The following PCDHGA3 variants were observed in gnomAD, a reference collection of about 807,000 sequenced individuals.
PCDHGA3 encodes protocadherin gamma-A3.
Under a neutral mutation model 58.5 loss-of-function variants are expected in PCDHGA3, and 40 were observed. The ratio of observed to expected loss-of-function variants is 0.68; its 90% confidence interval spans 0.53 to 0.89. The LOEUF (loss-of-function observed/expected upper bound fraction) is 0.89. Among genes scored for constraint, PCDHGA3 ranks in the 40% least tolerant of loss-of-function variants. The probability of loss-of-function intolerance (pLI) is 0.00; values close to 1 mark genes in which losing one functional copy is unlikely to be tolerated. For synonymous variants in PCDHGA3, 530 were observed against 525.7 expected, an observed-to-expected ratio of 1.01 and a Z score of -0.11; for missense variants, 1,223 against 1,195.9, an observed-to-expected ratio of 1.02 and a Z score of -0.33.
At position 141,360,554 on chromosome 5, in the gene PCDHGA3, T is replaced by C. The variant is rs779397375; in HGVS notation, c.2424+14097T>C. ...CTATTCAAACAGACTAAGATTAATT[T>C]AAAAATTGGCGAATCCACTAAGCCA... is the stretch of plus-strand genomic sequence containing the variant. On this transcript the variant is annotated intron_variant, in intron 1 of 3. Transcript: ENST00000253812. 1.9e-6 allele frequency: 3 copies of C among 1,613,978 alleles called. No individual in the cohort carries two copies. The East Asian group carries it at 6.7e-5, about 36-fold the overall frequency.
Position 141,431,141 on chromosome 5 carries a change from G to T in PCDHGA3, c.2425-63666G>T. 1.2e-6 allele frequency: 2 copies of T among 1,614,212 alleles called. No homozygotes were observed. Among genetic ancestry groups the T allele is most frequent in the South Asian group, 1.1e-5 (1 of 91,084 alleles). On this transcript the variant is annotated intron_variant, in intron 1 of 3. Coordinates refer to ENST00000253812, the MANE Select transcript of PCDHGA3 (RefSeq NM_018916.4). This position sits in a 1 kb window ranked among gnomAD's most constrained non-coding sequence, Gnocchi z 4.8. ...AGAAGTAGAAGTAAGGGACATTAACGACAATGCGCCTTACTTTCGTGAAAG... is the reference window on the plus strand; with the variant it reads ...AGAAGTAGAAGTAAGGGACATTAACTACAATGCGCCTTACTTTCGTGAAAG...
At chr5:141,421,184 C>T (rs2096551183) in intron 1 of PCDHGA3, 4 of 1,457,822 alleles carry the variant, frequency 2.7e-6, no homozygotes, top group Non-Finnish European at 3.7e-6. Context: ...CGATTCACAA[C>T]CAACCAGCTC....
intron 1 of PCDHGA3, chr5:141,356,513 T>G: frequency 1.2e-6 from 2 of 1,614,030 alleles, no homozygotes; most frequent in South Asian, 2.2e-5. Flanking sequence ...GAAACTCATA[T>G]TTCACTGCAA....
rs754299511 is a variant in PCDHGA3 at position 141,476,353 on chromosome 5, G to A, written c.2425-18454G>A. 4 of 1,614,202 alleles carry A rather than the reference G, an allele frequency of 2.5e-6. No individual in the cohort carries two copies. Among genetic ancestry groups the A allele is most frequent in the South Asian group, 1.1e-5 (1 of 91,082 alleles). On this transcript the variant is annotated intron_variant, in intron 1 of 3. Coordinates refer to ENST00000253812, the MANE Select transcript of PCDHGA3 (RefSeq NM_018916.4). The surrounding 1 kb of genome is among the most constrained non-coding windows in gnomAD (Gnocchi z 7.6). The stretch of plus-strand genomic sequence containing the variant: ...GAGCTAGCCGAAGATTCTTTGAGGT[G>A]AACCGGGAGACCGGAGAGATGTTTG...
chr5:141,395,558 G>A (rs60237573), intron 1 of PCDHGA3: 1 of 127,936 alleles, frequency 7.8e-6, no homozygotes, highest in South Asian at 2.0e-4. Flanking sequence ...GTGTGTGTGT[G>A]TGTGTGTGTG....
intron 1 of PCDHGA3, chr5:141,403,040 C>T: frequency 1.2e-6 from 2 of 1,614,068 alleles, no homozygotes; most frequent in Non-Finnish European, 1.7e-6. Context: ...CAGGGCCAGT[C>T]AGATTCGCTA....
chr5:141,384,705 C>T lies in PCDHGA3; in HGVS notation c.2424+38248C>T, dbSNP rs761874903. ...TGGACAAAGATTCAGGCCAGAACGC[C>T]TGGCTGTCATACCTCCTGCTTAAGG... On this transcript the variant is annotated intron_variant, in intron 1 of 3. Coordinates refer to ENST00000253812, the MANE Select transcript of PCDHGA3 (RefSeq NM_018916.4). 19 of 1,614,140 alleles carry T rather than the reference C, an allele frequency of 1.2e-5. No individual in the cohort carries two copies. The South Asian group carries it at 1.8e-4, about 15-fold the overall frequency.
chr5:141,469,603 GTAAAA>G (rs929191572), intron 1 of PCDHGA3, among the ~76,000 whole-genome samples: 9 of 152,038 alleles, frequency 5.9e-5, no homozygotes, highest in Admixed American at 1.3e-4. Context: ...AACAAAATAA[GTAAAA>G]TAAAATAAAT....
At chr5:141,463,803 A>G (rs975202568) in intron 1 of PCDHGA3, among the ~76,000 whole-genome samples, 1 of 152,150 alleles carries the variant, frequency 6.6e-6, no homozygotes, top group Non-Finnish European at 1.5e-5. Flanking sequence ...AATGTCTAAA[A>G]GCTTTTATCA....
chr5:141,375,522 A>C, intron 1 of PCDHGA3: 1 of 1,614,010 alleles, frequency 6.2e-7, no homozygotes, highest in Non-Finnish European at 8.5e-7. Flanking sequence ...CTGGACCCTG[A>C]CGTGGACCAG....
rs757825548 is a variant in PCDHGA3, at chr5:141,361,696, G to C, written c.2424+15239G>C. 9.3e-6 allele frequency: 15 copies of C among 1,613,466 alleles called. No individual in the cohort carries two copies. In the Admixed American group the frequency reaches 1.0e-4, roughly 11 times the overall value. ...GGTGGTGTTCGCGCAGCGCGCCTTC[G>C]ATCATGAGCAGCTGCGCGCCTTCGA... On this transcript the variant is annotated intron_variant, in intron 1 of 3. Transcript: ENST00000253812.
At chr5:141,422,926 GC>G in intron 1 of PCDHGA3, 1 of 1,614,230 alleles carries the variant, frequency 6.2e-7, no homozygotes, top group Non-Finnish European at 8.5e-7. Flanking sequence ...CCTGTACCCT[GC>G]CCTCCCCACA....
At position 141,477,368 on chromosome 5, in the gene PCDHGA3, G is replaced by A; in HGVS notation, c.2425-17439G>A. Reference sequence around the variant, plus strand: ...GAAAACCAGTGCAGACCTGGATCGGGAGACTGTGCCAGAATACAACCTCAG... The same window carrying A: ...GAAAACCAGTGCAGACCTGGATCGGAAGACTGTGCCAGAATACAACCTCAG... On this transcript the variant is annotated intron_variant, in intron 1 of 3. Coordinates refer to ENST00000253812, the MANE Select transcript of PCDHGA3 (RefSeq NM_018916.4). The surrounding 1 kb of genome is among the most constrained non-coding windows in gnomAD (Gnocchi z 4.9). 6.2e-7 allele frequency: 1 copy of A among 1,614,132 alleles called. No individual in the cohort carries two copies. Among genetic ancestry groups the A allele is most frequent in the Non-Finnish European group, 8.5e-7 (1 of 1,180,024 alleles).
chr5:141,415,107 A>C (rs372656276), intron 1 of PCDHGA3: 12 of 1,613,634 alleles, frequency 7.4e-6, no homozygotes, highest in East Asian at 2.2e-5. Context: ...CGCTCAAGCA[A>C]AGCCTCGTAG....
intron 1 of PCDHGA3, chr5:141,399,117 A>C (rs370431268): frequency 6.2e-6 from 10 of 1,613,848 alleles, no homozygotes; most frequent in Non-Finnish European, 8.5e-6. Flanking sequence ...GTACAGTTGA[A>C]ATTAATATTC....
chr5:141,445,786 C>A (rs1189294394), intron 1 of PCDHGA3, among the ~76,000 whole-genome samples: 2 of 152,018 alleles, frequency 1.3e-5, no homozygotes, highest in Non-Finnish European at 2.9e-5. Flanking sequence ...GCTAGGGAGG[C>A]TAGAAACAGA....
Position 141,372,663 on chromosome 5 carries a change from G to A in PCDHGA3, c.2424+26206G>A, listed in dbSNP as rs971560361. 2.5e-6 allele frequency: 4 copies of A among 1,613,876 alleles called. No homozygotes were observed. In the African/African-American group the frequency reaches 5.3e-5, roughly 22 times the overall value. On this transcript the variant is annotated intron_variant, in intron 1 of 3. Coordinates refer to ENST00000253812, the MANE Select transcript of PCDHGA3 (RefSeq NM_018916.4). ...GCCTTATTCCTACAATCCGTGTGCT[G>A]CCTCACATTCCTCAAACACCGAGTT...
At chr5:141,364,454 G>A (rs1162340616) in intron 1 of PCDHGA3, 3 of 1,613,884 alleles carry the variant, frequency 1.9e-6, no homozygotes, top group East Asian at 4.5e-5. Flanking sequence ...GCTGGACAAA[G>A]GCTCCTTCGT....
intron 1 of PCDHGA3, chr5:141,400,754 C>A (rs6880273): frequency 0.26 from 150,367 of 588,610 alleles, 21,664 homozygotes; most frequent in African/African-American, 0.5. Context: ...TTAGCTTCCT[C>A]TCTAGCAAAA....
Sources: allele counts gnomAD v4.1 joint callset (sites outside exome capture counted in the v4.1 genomes callset), GRCh38; gene constraint gnomAD v4.1.1; non-coding constraint Gnocchi (gnomAD v3.1); transcripts MANE v1.5; gene names NCBI Gene and HGNC (gene_info 2026-07-23, HGNC 2026-07-21).